Variants in FAT2 observed in about 807,000 individuals in gnomAD.
The protein encoded by FAT2 is FAT atypical cadherin 2.
In FAT2, 150 loss-of-function variants were observed where a neutral mutation model predicts 295.3. The ratio of observed to expected loss-of-function variants is 0.51; its 90% CI spans 0.44 to 0.58. FAT2 has a LOEUF of 0.58. FAT2 is among the 20% of genes least tolerant of loss of function. The pLI is 0.00. For missense variants in FAT2, 4,868 were observed against 5,442.7 expected, an observed-to-expected ratio of 0.89 and a Z score of 3.32; for synonymous variants, 2,026 against 2,150.3, an observed-to-expected ratio of 0.94 and a Z score of 1.60.
intron 1 of FAT2, among the ~76,000 whole-genome samples, chr5:151,579,777 C>G (rs1223708755): frequency 2.0e-5 from 3 of 151,694 alleles, no homozygotes; most frequent in Admixed American, 6.6e-5. Flanking sequence ...CTGAACCCAC[C>G]TCAGATAGTG....
In FAT2 at chr5:151,553,335, T is replaced by C. The variant is rs779050071; in HGVS notation, c.3998A>G (p.His1333Arg). The C allele has an allele frequency of 8.1e-6, 13 of 1,614,152 alleles. No individual in the cohort carries two copies. In the South Asian group the frequency reaches 1.4e-4, roughly 18 times the overall value. ...QPPLSASVRLHIEWIPWPRPS... is the reference protein window; with the variant it reads ...QPPLSASVRLRIEWIPWPRPS... ...CCGGGGCCAAGGGATCCACTCAATG[T>C]GTAGCCGGACACTGGCTGAGAGTGG... The change falls in exon 6 of 24, where the codon CAC (histidine) becomes CGC (arginine). Residue 1333 changes from histidine (H) to arginine (R), a missense_variant. By Grantham distance (29) the His-to-Arg change is conservative. Coordinates refer to ENST00000261800, the MANE Select transcript of FAT2 (RefSeq NM_001447.3).
rs1281734569 is a variant in FAT2, at chr5:151,531,073, T to C, written c.9811+514A>G. ...TCTGTGAACCTGACTTTGAGTCTTC[T>C]GTGGCTAGTAGGAAAGAAGTGAGAC... On this transcript the variant is annotated intron_variant, in intron 14 of 23. Coordinates refer to ENST00000261800, the MANE Select transcript of FAT2 (RefSeq NM_001447.3). This position sits in a 1 kb window ranked among gnomAD's most constrained non-coding sequence, Gnocchi z 5.7. Among the ~76,000 whole-genome samples the C allele has an allele frequency of 6.6e-6, 1 of 152,172 alleles. No individual in the cohort carries two copies. The highest frequency in any genetic ancestry group is 1.9e-4 in the East Asian group (1 of 5,194).
chr5:151,558,387 G>A (rs569390874), intron 3 of FAT2, among the ~76,000 whole-genome samples: 7 of 152,230 alleles, frequency 4.6e-5, no homozygotes, highest in African/African-American at 1.2e-4. Context: ...AGGCCGAAGC[G>A]GGCGGATCAC....
At position 151,543,610 on chromosome 5, in the gene FAT2, A is replaced by G. The variant is rs759400915; in HGVS notation, c.7517T>C (p.Ile2506Thr). ...VGTKVIDLLA[I>T]DKDSGPYGTI... ...GCCATAGGGACCACTATCTTTGTCT[A>G]TGGCTAGCAAATCAATCACCTTGGT... Residue 2506 changes from isoleucine to threonine, a missense_variant, in exon 10 of 24, where the codon ATA becomes ACA. Physicochemically the swap from Ile to Thr is moderately conservative, Grantham distance 89. This residue lies in a region of FAT2 where 3,297 missense variants were observed against 3,669.4 expected (regional missense o/e 0.90). Transcript: ENST00000261800. 1.7e-5 allele frequency: 28 copies of G among 1,614,064 alleles called. No homozygotes were observed. The highest frequency in any genetic ancestry group is 1.6e-4 in the South Asian group (15 of 91,088).
At position 151,543,303 on chromosome 5, in the gene FAT2, C is replaced by T. The variant is rs756148701; in HGVS notation, c.7824G>A (p.Leu2608=). ...VSKDSPVIQV[L]AYDADEGQNA... ...TCTGACCTTCATCTGCATCATAGGC[C>T]AACACCTGGATAACCGGAGAGTCTT... The change falls in exon 10 of 24, where the codon TTG becomes TTA. Residue 2608 remains leucine (L), a synonymous_variant. Coordinates refer to ENST00000261800, the MANE Select transcript of FAT2 (RefSeq NM_001447.3). 4.3e-5 allele frequency: 70 copies of T among 1,614,070 alleles called. No homozygotes were observed. The highest frequency in any genetic ancestry group is 5.7e-5 in the Non-Finnish European group (67 of 1,180,048).
chr5:151,535,427 G>A (rs1168642633), intron 12 of FAT2, among the ~76,000 whole-genome samples: 1 of 152,004 alleles, frequency 6.6e-6, no homozygotes, highest in Non-Finnish European at 1.5e-5. Context: ...GACATCATGA[G>A]GCTCCCATAA....
chr5:151,572,726 G>A (rs1392963550), intron 1 of FAT2, among the ~76,000 whole-genome samples: 3 of 152,230 alleles, frequency 2.0e-5, no homozygotes, highest in African/African-American at 7.2e-5. Flanking sequence ...AGATTTTAAT[G>A]CCAAGGCAGA....
Position 151,567,204 on chromosome 5 carries a change from G to C in FAT2, c.1728C>G (p.Asp576Glu). ...EVNCTGSIRQDWPVGKSIMTM... is the reference protein window; with the variant it reads ...EVNCTGSIRQEWPVGKSIMTM... ...TCATTATCGATTTCCCTACTGGCCA[G>C]TCTTGGCGGATAGACCCTGTACAGT... The change falls in exon 2 of 24, where the codon GAC (aspartate) becomes GAG (glutamate). Residue 576 changes from aspartate to glutamate, a missense_variant. Physicochemically the swap from Asp to Glu is conservative, Grantham distance 45. Around this residue, in one of 5 missense-constraint regions of FAT2, gnomAD observed 3,297 missense variants for 3,669.4 expected, o/e 0.90. Coordinates refer to ENST00000261800, the MANE Select transcript of FAT2 (RefSeq NM_001447.3). 6.2e-7 allele frequency: 1 copy of C among 1,614,212 alleles called. No individual in the cohort carries two copies. The highest frequency in any genetic ancestry group is 8.5e-7 in the Non-Finnish European group (1 of 1,180,040).
chr5:151,516,061 A>G (rs922583965), intron 20 of FAT2, among the ~76,000 whole-genome samples: 1 of 152,186 alleles, frequency 6.6e-6, no homozygotes, highest in Admixed American at 6.5e-5. Context: ...CATGCTAAGC[A>G]TTCTCCTGCC....
Position 151,505,655 on chromosome 5 carries a change from T to G in FAT2, c.12960A>C (p.Ala4320=). The G allele has an allele frequency of 1.2e-6, 2 of 1,614,074 alleles. No homozygotes were observed. Among genetic ancestry groups the G allele is most frequent in the Non-Finnish European group, 1.7e-6 (2 of 1,179,960 alleles). Residue 4320 remains alanine (A), a synonymous_variant, in exon 24 of 24, where the codon GCA becomes GCC. Transcript: ENST00000261800. ...AVCEVEGAPL[A]GQGQPRVPPN... ...GGGGCACCCGGGGCTGGCCCTGGCC[T>G]GCAAGAGGTGCCCCCTCCACCTCAC...
At position 151,543,044 on chromosome 5, in the gene FAT2, A is replaced by G. The variant is rs768005310; in HGVS notation, c.8083T>C (p.Leu2695=). Residue 2695 remains leucine, a synonymous_variant, in exon 10 of 24, where the codon TTG becomes CTG. Transcript: ENST00000261800. The part of the protein sequence containing the change: ...KVSLPKFSEP[L]YTFSAPEDLP... Reference sequence around the variant, plus strand: ...TCTTCAGGTGCAGAGAAAGTATACAAAGGTTCAGAAAATTTCGGTAAGGAT... The same window carrying G: ...TCTTCAGGTGCAGAGAAAGTATACAGAGGTTCAGAAAATTTCGGTAAGGAT... 3.1e-6 allele frequency: 5 copies of G among 1,614,056 alleles called. No homozygotes were observed. The African/African-American group carries it at 6.7e-5, about 22-fold the overall frequency.
intron 19 of FAT2, 81 bp downstream of exon 19, chr5:151,521,195 C>G: frequency 7.0e-7 from 1 of 1,422,074 alleles, no homozygotes; most frequent in Non-Finnish European, 9.5e-7. Flanking sequence ...CCCACAGAGC[C>G]TCAGTGGAAT....
In FAT2 at chr5:151,566,984, A is replaced by G. The variant is rs1561876004; in HGVS notation, c.1948T>C (p.Ser650Pro). ...ITASDGKNYA[S>P]PTTLNITVVK... Reference sequence around the variant, plus strand: ...ACAGTAATATTCAAAGTTGTGGGTGAGGCATAGTTTTTGCCATCTGAGGCT... The same window carrying G: ...ACAGTAATATTCAAAGTTGTGGGTGGGGCATAGTTTTTGCCATCTGAGGCT... The change falls in exon 2 of 24, where the codon TCA becomes CCA. Residue 650 changes from serine (S) to proline (P), a missense_variant. Physicochemically the swap from Ser to Pro is moderately conservative, Grantham distance 74 (BLOSUM62 -1). This residue lies in a region of FAT2 where 3,297 missense variants were observed against 3,669.4 expected (regional missense o/e 0.90). Coordinates refer to ENST00000261800, the MANE Select transcript of FAT2 (RefSeq NM_001447.3). 4 of 1,614,146 alleles carry G rather than the reference A, an allele frequency of 2.5e-6. No homozygotes were observed. The highest frequency in any genetic ancestry group is 3.4e-6 in the Non-Finnish European group (4 of 1,180,018).
Position 151,568,104 on chromosome 5 carries a change from C to A in FAT2, c.828G>T (p.Leu276=), listed in dbSNP as rs2127649350. ...CAGCTCCTGAGCTATTTGCATCGAC[C>A]AGTACAGTGGCATAGGTGGTACCAT... ...SNDGTTYATV[L]VDANSSGAEV... is the part of the protein sequence containing the mutation. Residue 276 remains leucine (L), a synonymous_variant, in exon 2 of 24, where the codon CTG becomes CTT. Transcript: ENST00000261800. 1.9e-6 allele frequency: 3 copies of A among 1,614,194 alleles called. No homozygotes were observed. Among genetic ancestry groups the A allele is most frequent in the Non-Finnish European group, 2.5e-6 (3 of 1,180,044 alleles).
In FAT2 at chr5:151,537,974, A is replaced by G. The variant is rs556250347; in HGVS notation, c.9040-28T>C. On this transcript the variant is annotated intron_variant, in intron 11 of 23. Coordinates refer to ENST00000261800, the MANE Select transcript of FAT2 (RefSeq NM_001447.3). Reference sequence around the variant, plus strand: ...AGAGATGGAAAGACAAAGAAGAGGGAGACTGTGGGGACTGCATTCAGATCC... The same window carrying G: ...AGAGATGGAAAGACAAAGAAGAGGGGGACTGTGGGGACTGCATTCAGATCC... 5 of 1,608,966 alleles carry G rather than the reference A, an allele frequency of 3.1e-6. No homozygotes were observed. The Admixed American group carries it at 8.4e-5, about 27-fold the overall frequency.
In FAT2 at chr5:151,566,704, T is replaced by A. The variant is rs1195282978; in HGVS notation, c.2228A>T (p.Asp743Val). 1 of 1,614,102 alleles carries A rather than the reference T, an allele frequency of 6.2e-7. No individual in the cohort carries two copies. The highest frequency in any genetic ancestry group is 8.5e-7 in the Non-Finnish European group (1 of 1,180,006). ...GACCAGTTTGCCATTAAAACCAGCA[T>A]CAGGGTCAGTGGCTGCTAGGCGGGC... ...PLARLAATDPDAGFNGKLVYV... is the reference protein window; with the variant it reads ...PLARLAATDPVAGFNGKLVYV... The change falls in exon 2 of 24, where the codon GAT becomes GTT. Residue 743 changes from aspartate (D) to valine (V), a missense_variant. Physicochemically the swap from Asp to Val is radical, Grantham distance 152. Coordinates refer to ENST00000261800, the MANE Select transcript of FAT2 (RefSeq NM_001447.3).
chr5:151,521,673 G>A lies in FAT2; in HGVS notation c.10920C>T (p.Pro3640=), dbSNP rs748130657. The A allele has an allele frequency of 8.1e-6, 13 of 1,613,960 alleles. No homozygotes were observed. The highest frequency in any genetic ancestry group is 1.6e-4 in the Middle Eastern group (1 of 6,062). ...GCCAGTGGTCACTCACCAGCTCCTC[G>A]GGGGTGAGCTGGTAGAAGCCCATCC... ...AMWMGFYQLT[P]EELVSDHWRN... The change falls in exon 19 of 24, where the codon CCC becomes CCT. Residue 3640 remains proline (P), a synonymous_variant. Coordinates refer to ENST00000261800, the MANE Select transcript of FAT2 (RefSeq NM_001447.3).
intron 11 of FAT2, among the ~76,000 whole-genome samples, chr5:151,538,453 G>C (rs1291556303): frequency 2.0e-5 from 3 of 152,288 alleles, no homozygotes; most frequent in South Asian, 2.1e-4. Flanking sequence ...TTTGAGTCAG[G>C]TCTGGACTCC....
Position 151,544,045 on chromosome 5 carries a change from C to T in FAT2, c.7082G>A (p.Gly2361Asp). Residue 2361 changes from glycine to aspartate, a missense_variant, in exon 10 of 24, where the codon GGT (glycine) becomes GAT (aspartate). Transcript: ENST00000261800. ...AMDKGDPPLT[G>D]ETLVVVNVSD... ...CACATTGACAACCACAAGGGTTTCA[C>T]CAGTGAGTGGGGGATCTCCTTTATC... 6.2e-7 allele frequency: 1 copy of T among 1,614,144 alleles called. No individual in the cohort carries two copies. Among genetic ancestry groups the T allele is most frequent in the Non-Finnish European group, 8.5e-7 (1 of 1,180,032 alleles).
Sources: allele counts gnomAD v4.1 joint callset (sites outside exome capture counted in the v4.1 genomes callset), GRCh38; gene constraint gnomAD v4.1.1; regional missense constraint gnomAD v4.1.1; non-coding constraint Gnocchi (gnomAD v3.1); transcripts MANE v1.5; gene names NCBI Gene and HGNC (gene_info 2026-07-23, HGNC 2026-07-21).